AGPAT3: variants seen among roughly 807,000 people sequenced by gnomAD.
AGPAT3 encodes 1-acyl-sn-glycerol-3-phosphate acyltransferase gamma.
In AGPAT3, 5 loss-of-function variants were observed where a neutral mutation model predicts 47.3. The observed-to-expected ratio is 0.11, with a 90% CI of 0.06 to 0.22. The LOEUF (loss-of-function observed/expected upper bound fraction) is 0.22, where lower values mean the gene tolerates loss of function less well. Ranked by LOEUF, AGPAT3 falls within the 10% of genes least tolerant of loss-of-function variation. The pLI is 1.00. For synonymous variants in AGPAT3, 212 were observed against 208.3 expected (o/e 1.02, Z -0.15); for missense variants, 315 against 493.0 (o/e 0.64, Z 3.42).
At position 43,955,956 on chromosome 21, in the gene AGPAT3, A is replaced by G. The variant is rs2088436470; in HGVS notation, c.-48-3678A>G. Among the ~76,000 whole-genome samples the G allele has an allele frequency of 6.6e-6, 1 of 151,876 alleles. No homozygotes were observed. Among genetic ancestry groups the G allele is most frequent in the Admixed American group, 6.5e-5 (1 of 15,278 alleles). On this transcript the variant is annotated intron_variant, in intron 2 of 9. Transcript: ENST00000291572. The surrounding 1 kb of genome is among the most constrained non-coding windows in gnomAD (Gnocchi z 4.1). ...TTTGCGCCGTAGCAACGGAATCAGC[A>G]GGTCTGCTGTGGAGCCCGGGCATCT...
intron 7 of AGPAT3, 36 bp downstream of exon 7, chr21:43,971,526 C>CA: frequency 6.3e-7 from 1 of 1,598,520 alleles, no homozygotes; most frequent in East Asian, 2.2e-5. Context: ...CGCCGCCCCC[C>CA]ATACCTTCAT....
chr21:43,874,618 G>C (rs2085694157), intron 1 of AGPAT3, among the ~76,000 whole-genome samples: 1 of 152,164 alleles, frequency 6.6e-6, no homozygotes, highest in African/African-American at 2.4e-5. Flanking sequence ...TAAAGTTGCG[G>C]TTAGGAAGCC....
At chr21:43,938,954 C>G (rs1450301133) in intron 2 of AGPAT3, among the ~76,000 whole-genome samples, 4 of 152,136 alleles carry the variant, frequency 2.6e-5, no homozygotes, top group African/African-American at 9.7e-5. Flanking sequence ...TCTCCTCCAC[C>G]AGGTTCACAG....
chr21:43,968,175 G>A, intron 4 of AGPAT3, 60 bp downstream of exon 4: 15 of 1,580,592 alleles, frequency 9.5e-6, no homozygotes, highest in Non-Finnish European at 1.2e-5. Context: ...AGGGCCGGGG[G>A]TGAGCGGGGA....
intron 2 of AGPAT3, among the ~76,000 whole-genome samples, chr21:43,918,175 G>A (rs1033483182): frequency 6.7e-6 from 1 of 149,940 alleles, no homozygotes; most frequent in African/African-American, 2.4e-5. Context: ...TGTGGGTGTT[G>A]TGGGAGTTGT....
intron 1 of AGPAT3, among the ~76,000 whole-genome samples, chr21:43,900,949 G>A (rs2086335299): frequency 6.6e-6 from 1 of 152,140 alleles, no homozygotes; most frequent in South Asian, 2.1e-4. Flanking sequence ...ACAGTGCCCA[G>A]CAGCCAAGCA....
intron 1 of AGPAT3, among the ~76,000 whole-genome samples, chr21:43,894,048 C>T (rs929840574): frequency 8.5e-5 from 13 of 152,252 alleles, no homozygotes; most frequent in African/African-American, 3.1e-4. Context: ...GGAAGTGCAG[C>T]GAAGCCAGGC....
Position 43,920,065 on chromosome 21 carries a change from A to G in AGPAT3, c.-49+16046A>G, listed in dbSNP as rs1014669806. ...GTCTCCAGACAGGATCCTGGTTGTCACCTGAAGCTTGGAGAAGGGACAGGA... is the reference window on the plus strand; with the variant it reads ...GTCTCCAGACAGGATCCTGGTTGTCGCCTGAAGCTTGGAGAAGGGACAGGA... On this transcript the variant is annotated intron_variant, in intron 2 of 9. Transcript: ENST00000291572. The surrounding 1 kb of genome is among the most constrained non-coding windows in gnomAD (Gnocchi z 6.1). Among the ~76,000 whole-genome samples the G allele has an allele frequency of 1.3e-5, 2 of 152,046 alleles. No individual in the cohort carries two copies. Among genetic ancestry groups the G allele is most frequent in the Non-Finnish European group, 2.9e-5 (2 of 68,008 alleles).
At chr21:43,953,365 TC>T (rs1397989465) in intron 2 of AGPAT3, among the ~76,000 whole-genome samples, 1 of 152,196 alleles carries the variant, frequency 6.6e-6, no homozygotes, top group Non-Finnish European at 1.5e-5. Flanking sequence ...GCTCATGGTG[TC>T]CTAGTGAGCA....
At chr21:43,909,418 C>A (rs2086581051) in intron 2 of AGPAT3, among the ~76,000 whole-genome samples, 1 of 152,174 alleles carries the variant, frequency 6.6e-6, no homozygotes, top group African/African-American at 2.4e-5. Context: ...GCCTCAGCCT[C>A]CCGAGTAGCT....
At chr21:43,874,142 C>T (rs557142201) in intron 1 of AGPAT3, among the ~76,000 whole-genome samples, 1 of 152,362 alleles carries the variant, frequency 6.6e-6, no homozygotes, top group South Asian at 2.1e-4. Context: ...TCTCCTGCCT[C>T]AGCCACCTGA....
At position 43,920,122 on chromosome 21, in the gene AGPAT3, G is replaced by A. The variant is rs1468151878; in HGVS notation, c.-49+16103G>A. On this transcript the variant is annotated intron_variant, in intron 2 of 9. Coordinates refer to ENST00000291572, the MANE Select transcript of AGPAT3 (RefSeq NM_020132.5). This position sits in a 1 kb window ranked among gnomAD's most constrained non-coding sequence, Gnocchi z 6.1. Reference sequence around the variant, plus strand: ...TGCAGGCGGGGGTGTGACCACGTCCGCACCCCTCCCAGAGTGCGAGGCTGT... The same window carrying A: ...TGCAGGCGGGGGTGTGACCACGTCCACACCCCTCCCAGAGTGCGAGGCTGT... Among the ~76,000 whole-genome samples, 1 of 152,154 alleles carries A rather than the reference G, an allele frequency of 6.6e-6. No individual in the cohort carries two copies. Among genetic ancestry groups the A allele is most frequent in the Non-Finnish European group, 1.5e-5 (1 of 68,028 alleles).
At chr21:43,928,204 G>A (rs982817941) in intron 2 of AGPAT3, among the ~76,000 whole-genome samples, 8 of 152,254 alleles carry the variant, frequency 5.3e-5, no homozygotes, top group African/African-American at 1.9e-4. Context: ...GGCAGGCCAA[G>A]GGCATGATGG....
chr21:43,887,483 AG>A (rs1391178636), intron 1 of AGPAT3, among the ~76,000 whole-genome samples: 2 of 152,216 alleles, frequency 1.3e-5, no homozygotes, highest in African/African-American at 4.8e-5. Flanking sequence ...ATGATGAAGA[AG>A]GCCTTACTCT....
chr21:43,871,688 C>G (rs1035585797), intron 1 of AGPAT3, among the ~76,000 whole-genome samples: 1 of 152,160 alleles, frequency 6.6e-6, no homozygotes, highest in Non-Finnish European at 1.5e-5. Flanking sequence ...TGTGTCCTTC[C>G]CTGTGAAGTT....
intron 1 of AGPAT3, among the ~76,000 whole-genome samples, chr21:43,900,398 G>T (rs2086322434): frequency 6.6e-6 from 1 of 152,220 alleles, no homozygotes; most frequent in African/African-American, 2.4e-5. Flanking sequence ...ACTGGTGGCA[G>T]GCCGTGTGGA....
At chr21:43,885,712 GA>G (rs1240930805) in intron 1 of AGPAT3, among the ~76,000 whole-genome samples, 2 of 152,232 alleles carry the variant, frequency 1.3e-5, no homozygotes, top group Non-Finnish European at 2.9e-5. Context: ...TGATTTGGAG[GA>G]AGAAAAGGGC....
At chr21:43,897,627 C>T (rs190781405) in intron 1 of AGPAT3, among the ~76,000 whole-genome samples, 2,461 of 127,562 alleles carry the variant, frequency 0.019, 106 homozygotes, top group African/African-American at 0.061. Flanking sequence ...CCAGAGGGGG[C>T]GGCCGGGCAG....
chr21:43,867,300 G>C (rs941592084), intron 1 of AGPAT3: 2 of 152,348 alleles, frequency 1.3e-5, no homozygotes, highest in East Asian at 1.9e-4. Flanking sequence ...CCACAGACCC[G>C]TCCGGGTGCT....
Sources: gnomAD v4.1 joint callset for allele counts (sites outside exome capture counted in the v4.1 genomes callset) on GRCh38, gnomAD v4.1.1 for gene constraint, Gnocchi (gnomAD v3.1) non-coding constraint, MANE v1.5 for transcripts, NCBI Gene and HGNC (gene_info 2026-07-23, HGNC 2026-07-21) for gene names.